The following PHACTR1 variants were observed in gnomAD, a reference collection of about 807,000 sequenced individuals.
The protein encoded by PHACTR1 is phosphatase and actin regulator 1, also known as RPEL repeat containing 1.
A neutral mutation model predicts 69.2 loss-of-function variants in PHACTR1; 16 were observed. That is an observed-to-expected ratio of 0.23 (90% CI 0.16 to 0.35). The LOEUF (loss-of-function observed/expected upper bound fraction) is 0.35, where lower values mean the gene tolerates loss of function less well. Ranked by LOEUF, PHACTR1 falls within the 10% of genes least tolerant of loss-of-function variation. PHACTR1 has a pLI of 1.00. For synonymous variants in PHACTR1, 312 were observed against 284.5 expected (o/e 1.10, Z -0.97); for missense variants, 510 against 734.7 (o/e 0.69, Z 3.54).
intron 5 of PHACTR1, among the ~76,000 whole-genome samples, chr6:13,147,011 C>G (rs1823466019): frequency 6.6e-6 from 1 of 152,212 alleles, no homozygotes; most frequent in African/African-American, 2.4e-5. Context: ...CATCACATGA[C>G]ATTCTCTTTC....
chr6:13,068,885 G>C (rs185723094), intron 5 of PHACTR1, among the ~76,000 whole-genome samples: 36 of 152,206 alleles, frequency 2.4e-4, no homozygotes, highest in African/African-American at 5.5e-4. Flanking sequence ...GAAAATAGAA[G>C]GTACTAAATG....
chr6:12,861,696 A>G (rs1327821673), intron 4 of PHACTR1, among the ~76,000 whole-genome samples: 1 of 152,174 alleles, frequency 6.6e-6, no homozygotes, highest in African/African-American at 2.4e-5. Flanking sequence ...TCTTTTCTTT[A>G]GACTGCAATT....
At chr6:13,087,652 CTT>C (rs112624746) in intron 5 of PHACTR1, among the ~76,000 whole-genome samples, 2 of 144,890 alleles carry the variant, frequency 1.4e-5, no homozygotes, top group Non-Finnish European at 1.5e-5. Context: ...AGCAGGCTTT[CTT>C]TTTTTTTTTT....
At chr6:12,759,557 C>T (rs1767795140) in intron 4 of PHACTR1, among the ~76,000 whole-genome samples, 3 of 152,182 alleles carry the variant, frequency 2.0e-5, no homozygotes, top group Admixed American at 1.3e-4. Flanking sequence ...TAAGTACCGA[C>T]CTAGCCCTTG....
At chr6:13,218,636 A>G (rs1006351413) in intron 8 of PHACTR1, among the ~76,000 whole-genome samples, 8 of 152,206 alleles carry the variant, frequency 5.3e-5, no homozygotes, top group African/African-American at 1.9e-4. Flanking sequence ...TCTGGCCAAC[A>G]TAGCGAGACC....
At chr6:12,857,340 G>C (rs978001367) in intron 4 of PHACTR1, among the ~76,000 whole-genome samples, 3 of 152,148 alleles carry the variant, frequency 2.0e-5, no homozygotes, top group Non-Finnish European at 2.9e-5. Flanking sequence ...CGTCAGGCGC[G>C]GTGGTTCATG....
intron 4 of PHACTR1, among the ~76,000 whole-genome samples, chr6:13,045,583 T>C (rs192244912): frequency 6.6e-6 from 1 of 152,330 alleles, no homozygotes; most frequent in East Asian, 1.9e-4. Context: ...TTAGTACATC[T>C]TAGGGCACCA....
intron 7 of PHACTR1, among the ~76,000 whole-genome samples, chr6:13,198,196 T>G (rs909197641): frequency 2.0e-5 from 3 of 152,204 alleles, no homozygotes; most frequent in African/African-American, 7.2e-5. Context: ...CCACGCTCAG[T>G]GAAATTTAAT....
intron 10 of PHACTR1, among the ~76,000 whole-genome samples, chr6:13,271,730 G>A (rs1419863708): frequency 6.6e-6 from 1 of 151,266 alleles, no homozygotes; most frequent in Non-Finnish European, 1.5e-5. Context: ...GTCAGCAGTT[G>A]GTAGAACCGA....
intron 4 of PHACTR1, among the ~76,000 whole-genome samples, chr6:12,970,526 T>C (rs1258498132): frequency 6.6e-6 from 1 of 152,166 alleles, no homozygotes; most frequent in East Asian, 1.9e-4. Context: ...TCCCAGCACG[T>C]TGTGAGGCCG....
In PHACTR1 at chr6:12,830,129, G is replaced by GAAAGAAAGA. The variant is rs1554146477; in HGVS notation, c.250+80342_250+80350dup. Reference sequence around the variant, plus strand: ...AGAAAGAAAGAAAGAAAGAAAGAAAGAAAGAAAGAAAGAAAGAAAGAAAGA... The same window carrying GAAAGAAAGA: ...AGAAAGAAAGAAAGAAAGAAAGAAAGAAAGAAAGAAAAGAAAGAAAGAAAGAAAGAAAGA... On this transcript the variant is annotated intron_variant, in intron 4 of 14. Coordinates refer to ENST00000332995, the MANE Select transcript of PHACTR1 (RefSeq NM_030948.6). Among the ~76,000 whole-genome samples the GAAAGAAAGA allele has an allele frequency of 6.7e-3, 909 of 136,676 alleles. 13 individuals carry two copies. Among genetic ancestry groups the GAAAGAAAGA allele is most frequent in the Middle Eastern group, 0.022 (6 of 276 alleles). 89.7% of individuals were successfully genotyped at this position (136,676 alleles called of 152,430 possible). A position where few individuals can be genotyped will look rare whatever the true frequency, so the allele number is the denominator to read the frequency against.
At chr6:12,977,890 G>T (rs1454010264) in intron 4 of PHACTR1, among the ~76,000 whole-genome samples, 1 of 152,124 alleles carries the variant, frequency 6.6e-6, no homozygotes, top group African/African-American at 2.4e-5. Flanking sequence ...AACATTTCTT[G>T]GCTGGGGTAG....
At chr6:13,140,695 G>C (rs1822301412) in intron 5 of PHACTR1, among the ~76,000 whole-genome samples, 1 of 152,164 alleles carries the variant, frequency 6.6e-6, no homozygotes, top group South Asian at 2.1e-4. Flanking sequence ...AGTTGAAAAA[G>C]TTCTGGAGAT....
At chr6:13,152,194 C>G (rs896196114) in intron 5 of PHACTR1, among the ~76,000 whole-genome samples, 2 of 151,864 alleles carry the variant, frequency 1.3e-5, no homozygotes, top group Admixed American at 1.3e-4. Flanking sequence ...ATTAGCCAGG[C>G]GTGGTGGTGG....
chr6:12,910,823 G>C (rs1163639467), intron 4 of PHACTR1, among the ~76,000 whole-genome samples: 1 of 152,164 alleles, frequency 6.6e-6, no homozygotes, highest in Non-Finnish European at 1.5e-5. Flanking sequence ...AATCAGATCT[G>C]GCTGGCTCTG....
intron 6 of PHACTR1, among the ~76,000 whole-genome samples, chr6:13,169,783 G>T (rs1760329524): frequency 6.6e-6 from 1 of 152,198 alleles, no homozygotes; most frequent in African/African-American, 2.4e-5. Flanking sequence ...GCAGGCAGCA[G>T]GGTGTAAGTT....
intron 4 of PHACTR1, among the ~76,000 whole-genome samples, chr6:12,852,814 G>C (rs1008735477): frequency 3.9e-5 from 6 of 152,156 alleles, no homozygotes; most frequent in Non-Finnish European, 8.8e-5. Flanking sequence ...CACTCTGATA[G>C]TTTATGACAG....
intron 4 of PHACTR1, among the ~76,000 whole-genome samples, chr6:12,944,783 ATTTATTTTT>A (rs1562038057): frequency 2.5e-5 from 3 of 119,298 alleles, no homozygotes; most frequent in Non-Finnish European, 5.3e-5. Flanking sequence ...ATTTATTTTT[ATTTATTTTT>A]TTTTTTTTGA....
chr6:12,886,441 C>T (rs1009390356), intron 4 of PHACTR1, among the ~76,000 whole-genome samples: 4 of 152,106 alleles, frequency 2.6e-5, no homozygotes, highest in Non-Finnish European at 5.9e-5. Flanking sequence ...TTCTACTAAC[C>T]GCTTTTAATA....
Sources: gnomAD v4.1 joint callset for allele counts (sites outside exome capture counted in the v4.1 genomes callset) on GRCh38, gnomAD v4.1.1 for gene constraint, MANE v1.5 for transcripts, NCBI Gene and HGNC (gene_info 2026-07-23, HGNC 2026-07-21) for gene names.